SCARA3: variants seen among roughly 807,000 people sequenced by gnomAD.
The protein encoded by SCARA3 is scavenger receptor class A member 3, also known as cellular stress response gene protein.
SCARA3 carries 39 observed loss-of-function variants against 47.0 expected under a neutral mutation model. The observed-to-expected ratio is 0.83, with a 90% confidence interval of 0.64 to 1.08. The LOEUF (loss-of-function observed/expected upper bound fraction) is 1.08, where lower values mean the gene tolerates loss of function less well. Among genes scored for constraint, SCARA3 ranks in the 50% least tolerant of loss-of-function variants. SCARA3 has a pLI of 0.00. For missense variants in SCARA3, 724 were observed against 792.3 expected (o/e 0.91, Z 1.04); for synonymous variants, 356 against 334.1 (o/e 1.07, Z -0.71).
intron 3 of SCARA3, among the ~76,000 whole-genome samples, chr8:27,655,284 A>G (rs1801719658): frequency 6.6e-6 from 1 of 152,152 alleles, no homozygotes; most frequent in African/African-American, 2.4e-5. Context: ...AACTAGGACT[A>G]GAAGCTGTGT....
the SCARA3 span, among the ~76,000 whole-genome samples, chr8:27,717,138 T>C: frequency 2.0e-4 from 30 of 152,156 alleles, no homozygotes; most frequent in Admixed American, 3.9e-4. Flanking sequence ...GGGTGTGACA[T>C]GGAACCTGAC....
intron 1 of SCARA3, among the ~76,000 whole-genome samples, chr8:27,636,082 A>C (rs1801243571): frequency 6.6e-6 from 1 of 152,118 alleles, no homozygotes; most frequent in African/African-American, 2.4e-5. Context: ...CAGTGAGGGG[A>C]GCCTCGCCCC....
chr8:27,642,964 G>A (rs35820553), intron 1 of SCARA3, among the ~76,000 whole-genome samples: 3 of 152,290 alleles, frequency 2.0e-5, no homozygotes, highest in South Asian at 4.1e-4. Flanking sequence ...AATGGGGGGA[G>A]TCTGTTGCAT....
At chr8:27,710,254 A>C in the SCARA3 span, among the ~76,000 whole-genome samples, 1 of 149,778 alleles carries the variant, frequency 6.7e-6, no homozygotes, top group African/African-American at 2.5e-5. Flanking sequence ...AAAAAAGGAG[A>C]GATTTCTCTT....
At chr8:27,640,597 C>T (rs1801361087) in intron 1 of SCARA3, among the ~76,000 whole-genome samples, 1 of 151,604 alleles carries the variant, frequency 6.6e-6, no homozygotes, top group African/African-American at 2.4e-5. Context: ...CCAGGCTGGT[C>T]TCAAGCTCCC....
chr8:27,707,996 C>G, the SCARA3 span, among the ~76,000 whole-genome samples: 1 of 152,096 alleles, frequency 6.6e-6, no homozygotes, highest in African/African-American at 2.4e-5. Flanking sequence ...ATTTACTTCC[C>G]ATCCACACTG....
chr8:27,683,355 G>A, the SCARA3 span, among the ~76,000 whole-genome samples: 9 of 152,112 alleles, frequency 5.9e-5, no homozygotes, highest in Non-Finnish European at 1.2e-4. Context: ...GATTAGGGGT[G>A]GTGGTTACAC....
intron 1 of SCARA3, among the ~76,000 whole-genome samples, chr8:27,644,296 G>C (rs561756621): frequency 1.3e-5 from 2 of 152,280 alleles, no homozygotes; most frequent in Non-Finnish European, 2.9e-5. Flanking sequence ...AGTAATCACT[G>C]CAAGAAGATT....
At chr8:27,661,991 AT>A (rs1377573772) in intron 5 of SCARA3, among the ~76,000 whole-genome samples, 2 of 152,002 alleles carry the variant, frequency 1.3e-5, no homozygotes, top group African/African-American at 2.4e-5. Context: ...GGAACTCTCT[AT>A]TTTGCTTGTT....
the SCARA3 span, among the ~76,000 whole-genome samples, chr8:27,711,072 G>T: frequency 6.6e-6 from 1 of 152,050 alleles, no homozygotes; most frequent in East Asian, 1.9e-4. Context: ...ACAGGCATCT[G>T]CCACCACGCC....
chr8:27,698,870 GAT>G, the SCARA3 span, among the ~76,000 whole-genome samples: 7 of 151,106 alleles, frequency 4.6e-5, no homozygotes, highest in South Asian at 4.2e-4. Flanking sequence ...TATAAATGGA[GAT>G]ATATATATAT....
At chr8:27,668,694 T>C (rs1802075673) in intron 5 of SCARA3, among the ~76,000 whole-genome samples, 1 of 152,078 alleles carries the variant, frequency 6.6e-6, no homozygotes, top group African/African-American at 2.4e-5. Context: ...ACCCCATCTC[T>C]GCCAAAAAAT....
chr8:27,714,220 G>A, the SCARA3 span, among the ~76,000 whole-genome samples: 2 of 89,818 alleles, frequency 2.2e-5, no homozygotes, highest in South Asian at 3.5e-4. Flanking sequence ...TTTTGAGATG[G>A]AGTCTTGCTC....
At position 27,658,946 on chromosome 8, in the gene SCARA3, C is replaced by T. The variant is rs767806429; in HGVS notation, c.776C>T (p.Thr259Ile). 1 of 1,614,204 alleles carries T rather than the reference C, an allele frequency of 6.2e-7. No homozygotes were observed. The highest frequency in any genetic ancestry group is 8.5e-7 in the Non-Finnish European group (1 of 1,180,038). Residue 259 changes from threonine (T) to isoleucine (I), a missense_variant, in exon 5 of 6, where the codon ACA (threonine) becomes ATA (isoleucine). Coordinates refer to ENST00000301904, the MANE Select transcript of SCARA3 (RefSeq NM_016240.3). ...QKIVTDWQNY[T>I]RLFSGLRTTS... ...ATTGTCACCGACTGGCAGAACTACA[C>T]ACGGCTCTTCAGCGGCCTGCGCACC... is the stretch of plus-strand genomic sequence containing the variant.
At chr8:27,692,835 T>G in the SCARA3 span, among the ~76,000 whole-genome samples, 1 of 151,924 alleles carries the variant, frequency 6.6e-6, no homozygotes, top group Admixed American at 6.6e-5. Flanking sequence ...TCAGAAAATC[T>G]TAATCTAGGC....
the SCARA3 span, among the ~76,000 whole-genome samples, chr8:27,727,210 C>T: frequency 6.6e-6 from 1 of 150,698 alleles, no homozygotes; most frequent in Non-Finnish European, 1.5e-5. Context: ...CAGCACCTGG[C>T]TCAGTTTGCC....
rs1442507691 is a variant in SCARA3 at position 27,634,113 on chromosome 8, C to T, written c.-88C>T. The stretch of plus-strand genomic sequence containing the variant: ...GGGCGGCGCCTAGGACGGCGATCCG[C>T]GCCCTGGAGGATCCGCCGGCCGCCC... On this transcript the variant is annotated 5_prime_UTR_variant, in exon 1 of 6. Coordinates refer to ENST00000301904, the MANE Select transcript of SCARA3 (RefSeq NM_016240.3). 1 of 1,304,872 alleles carries T rather than the reference C, an allele frequency of 7.7e-7. No homozygotes were observed. Among genetic ancestry groups the T allele is most frequent in the Non-Finnish European group, 1.0e-6 (1 of 1,000,400 alleles). 80.8% of individuals were successfully genotyped at this position (1,304,872 alleles called of 1,614,324 possible). A position where few individuals can be genotyped will look rare whatever the true frequency, so the allele number is the denominator to read the frequency against.
intron 2 of SCARA3, among the ~76,000 whole-genome samples, chr8:27,651,010 C>T (rs1267521432): frequency 6.6e-6 from 1 of 152,208 alleles, no homozygotes; most frequent in African/African-American, 2.4e-5. Flanking sequence ...CAGGCATGAG[C>T]TACTGTACCC....
intron 1 of SCARA3, among the ~76,000 whole-genome samples, chr8:27,644,193 T>A (rs573807982): frequency 7.2e-5 from 11 of 152,322 alleles, no homozygotes; most frequent in African/African-American, 2.6e-4. Context: ...GTCACCACTA[T>A]TTTATGGGTC....
Sources: gnomAD v4.1 joint callset for allele counts (sites outside exome capture counted in the v4.1 genomes callset) on GRCh38, gnomAD v4.1.1 for gene constraint, MANE v1.5 for transcripts, NCBI Gene and HGNC (gene_info 2026-07-23, HGNC 2026-07-21) for gene names.